Variants in CREB3L2 observed in about 807,000 individuals in gnomAD.
CREB3L2 encodes cAMP responsive element binding protein 3 like 2, also known as cyclic AMP-responsive element-binding protein 3-like protein 2.
A neutral mutation model predicts 57.2 loss-of-function variants in CREB3L2; 23 were observed. The ratio of observed to expected loss-of-function variants is 0.40; its 90% CI spans 0.29 to 0.57. The LOEUF (loss-of-function observed/expected upper bound fraction) is 0.57. CREB3L2 is among the 20% of genes least tolerant of loss of function. The pLI is 0.42. For missense variants in CREB3L2, 628 were observed against 634.7 expected (o/e 0.99, Z 0.11); for synonymous variants, 268 against 265.1 (o/e 1.01, Z -0.11).
At chr7:137,949,281 G>T (rs539743475) in intron 1 of CREB3L2, among the ~76,000 whole-genome samples, 54 of 152,214 alleles carry the variant, frequency 3.5e-4, no homozygotes, top group Non-Finnish European at 6.3e-4. Flanking sequence ...CAGCAGTTGG[G>T]ATTCACTTGC....
At chr7:137,882,773 C>T (rs1284337179) in intron 10 of CREB3L2, 145 bp from the exon 11 acceptor site, 29 of 538,204 alleles carry the variant, frequency 5.4e-5, no homozygotes, top group Admixed American at 1.3e-4. Flanking sequence ...CAGAATTTGG[C>T]TTTCTATAAA....
chr7:137,912,503 G>C (rs1205872048), intron 4 of CREB3L2, among the ~76,000 whole-genome samples: 1 of 152,178 alleles, frequency 6.6e-6, no homozygotes, highest in Non-Finnish European at 1.5e-5. Flanking sequence ...GGGGCTCCTT[G>C]CAATAGTTGT....
chr7:137,935,996 G>C, intron 1 of CREB3L2: 1 of 946,822 alleles, frequency 1.1e-6, no homozygotes, highest in Non-Finnish European at 1.3e-6. Context: ...TAAGATCAGA[G>C]GTCACGAGGG....
intron 7 of CREB3L2, among the ~76,000 whole-genome samples, chr7:137,902,531 T>C (rs1273308712): frequency 1.3e-5 from 2 of 152,078 alleles, no homozygotes; most frequent in Admixed American, 6.6e-5. Flanking sequence ...TGGATGCCCA[T>C]AGAAAATGGT....
At position 137,980,508 on chromosome 7, in the gene CREB3L2, G is replaced by C. The variant is rs1310709949; in HGVS notation, c.102+21096C>G. Among the ~76,000 whole-genome samples the C allele has an allele frequency of 1.3e-5, 2 of 152,194 alleles. No homozygotes were observed. Among genetic ancestry groups the C allele is most frequent in the Admixed American group, 6.5e-5 (1 of 15,278 alleles). ...TTAAAAAGGTTCCAAACTGGTGGGG[G>C]GCAACCCCAGGCCTAGACAAACACA... is the stretch of plus-strand genomic sequence containing the variant. On this transcript the variant is annotated intron_variant, in intron 1 of 11. Transcript: ENST00000330387. This position sits in a 1 kb window ranked among gnomAD's most constrained non-coding sequence, Gnocchi z 4.3.
At position 137,913,061 on chromosome 7, in the gene CREB3L2, C is replaced by T. The variant is rs538088113; in HGVS notation, c.513G>A (p.Gln171=). Residue 171 remains glutamine, a synonymous_variant, in exon 4 of 12, where the codon CAG becomes CAA. Transcript: ENST00000330387. ...EMNTGVDSSC[Q]TIIPKIKLEP... Reference sequence around the variant, plus strand: ...CCAGCTTAATTTTAGGAATAATGGTCTGGCACGAGGAATCAACCTGGAGGA... The same window carrying T: ...CCAGCTTAATTTTAGGAATAATGGTTTGGCACGAGGAATCAACCTGGAGGA... 1 of 1,613,744 alleles carries T rather than the reference C, an allele frequency of 6.2e-7. No homozygotes were observed. The highest frequency in any genetic ancestry group is 1.3e-5 in the African/African-American group (1 of 74,996).
chr7:137,884,359 G>A (rs1799365519), intron 10 of CREB3L2: 1 of 152,822 alleles, frequency 6.5e-6, no homozygotes, highest in South Asian at 2.0e-4. Context: ...ATATTCTCCT[G>A]CCTCAGCCTC....
At chr7:137,881,493 C>T (rs935253230) in intron 11 of CREB3L2, among the ~76,000 whole-genome samples, 3 of 152,172 alleles carry the variant, frequency 2.0e-5, no homozygotes, top group African/African-American at 7.2e-5. Flanking sequence ...GTCAACCTGC[C>T]TCACATCTGT....
At chr7:137,927,814 C>T (rs1322753576) in intron 2 of CREB3L2, among the ~76,000 whole-genome samples, 1 of 151,820 alleles carries the variant, frequency 6.6e-6, no homozygotes, top group Non-Finnish European at 1.5e-5. Context: ...GGCATGACCC[C>T]TTGAAACAAG....
chr7:137,909,183 G>C (rs1234406011), intron 4 of CREB3L2, among the ~76,000 whole-genome samples: 4 of 152,224 alleles, frequency 2.6e-5, no homozygotes, highest in Non-Finnish European at 5.9e-5. Flanking sequence ...AAGACGCCAG[G>C]CATTCTTCAT....
intron 8 of CREB3L2, among the ~76,000 whole-genome samples, chr7:137,897,289 C>G (rs775346583): frequency 2.0e-5 from 3 of 152,158 alleles, no homozygotes; most frequent in Non-Finnish European, 4.4e-5. Flanking sequence ...CCTGCTTTAA[C>G]AGGTGGCTAA....
chr7:137,923,495 T>C (rs1235020225), intron 2 of CREB3L2, among the ~76,000 whole-genome samples: 2 of 152,200 alleles, frequency 1.3e-5, no homozygotes, highest in Admixed American at 6.5e-5. Flanking sequence ...TAGATACACA[T>C]ACTTTTCTCT....
At chr7:137,919,402 C>T (rs1222644264) in intron 2 of CREB3L2, among the ~76,000 whole-genome samples, 1 of 152,084 alleles carries the variant, frequency 6.6e-6, no homozygotes, top group Non-Finnish European at 1.5e-5. Flanking sequence ...AAACTCCTGA[C>T]CTCAGGTGAC....
chr7:137,995,922 T>TA (rs1320545895), intron 1 of CREB3L2, among the ~76,000 whole-genome samples: 2 of 152,210 alleles, frequency 1.3e-5, no homozygotes, highest in African/African-American at 2.4e-5. Context: ...CAACCAATGT[T>TA]ACTATCATGA....
intron 8 of CREB3L2, among the ~76,000 whole-genome samples, chr7:137,894,902 G>A (rs143450027): frequency 4.1e-4 from 63 of 152,234 alleles, no homozygotes; most frequent in Non-Finnish European, 7.2e-4. Context: ...CCAAGTTCTC[G>A]TCCCCATTCT....
chr7:137,987,792 T>TCCCAC (rs1168345706), intron 1 of CREB3L2, among the ~76,000 whole-genome samples: 1 of 152,134 alleles, frequency 6.6e-6, no homozygotes, highest in East Asian at 1.9e-4. Flanking sequence ...CAGGCGATCC[T>TCCCAC]CCCACCCCGG....
chr7:137,903,177 C>T (rs1176776280), intron 7 of CREB3L2, among the ~76,000 whole-genome samples: 2 of 152,104 alleles, frequency 1.3e-5, no homozygotes, highest in Non-Finnish European at 2.9e-5. Context: ...GCTGAACCCC[C>T]AGATATGGAG....
rs562327129 is a variant in CREB3L2 at position 137,877,420 on chromosome 7, C to T, written c.*3056G>A. The T allele has an allele frequency of 6.6e-5, 15 of 227,400 alleles. No individual in the cohort carries two copies. Among genetic ancestry groups the T allele is most frequent in the Admixed American group, 6.2e-4 (11 of 17,608 alleles). The allele number at this position is 227,400 out of a possible 1,614,324, so 14.1% of individuals were successfully genotyped here. On this transcript the variant is annotated 3_prime_UTR_variant, in exon 12 of 12. Transcript: ENST00000330387. ...TATGTGAGCTAGACTCCAGAGTCCT[C>T]ACACTTCACAGAAATTCTTTCTTAA...
chr7:137,982,965 G>C (rs1381459267), intron 1 of CREB3L2, among the ~76,000 whole-genome samples: 6 of 152,202 alleles, frequency 3.9e-5, no homozygotes, highest in Non-Finnish European at 8.8e-5. Context: ...AAGCCAGGAA[G>C]AGAGCCCTAA....
Sources: gnomAD v4.1 joint callset for allele counts (sites outside exome capture counted in the v4.1 genomes callset) on GRCh38, gnomAD v4.1.1 for gene constraint, Gnocchi (gnomAD v3.1) non-coding constraint, MANE v1.5 for transcripts, NCBI Gene and HGNC (gene_info 2026-07-23, HGNC 2026-07-21) for gene names.